CHKA: variants seen among roughly 807,000 people sequenced by gnomAD.
CHKA encodes the protein CHETK-alpha.
Under a neutral mutation model 60.1 loss-of-function variants are expected in CHKA, and 34 were observed. The ratio of observed to expected loss-of-function variants is 0.57; its 90% CI spans 0.43 to 0.75. The LOEUF (loss-of-function observed/expected upper bound fraction) is 0.75, where lower values mean the gene tolerates loss of function less well. Among genes scored for constraint, CHKA ranks in the 30% least tolerant of loss-of-function variants. The pLI is 0.00. For synonymous variants in CHKA, 217 were observed against 223.1 expected, an observed-to-expected ratio of 0.97 and a Z score of 0.24; for missense variants, 563 against 561.3, an observed-to-expected ratio of 1.00 and a Z score of -0.03.
At chr11:68,093,914 G>A (rs1328717679) in intron 2 of CHKA, among the ~76,000 whole-genome samples, 3 of 152,142 alleles carry the variant, frequency 2.0e-5, no homozygotes, top group Non-Finnish European at 2.9e-5. Context: ...CCACATATTC[G>A]TTAGTGACAT....
chr11:68,064,064 T>C (rs778286102), intron 10 of CHKA, among the ~76,000 whole-genome samples: 5 of 152,168 alleles, frequency 3.3e-5, no homozygotes, highest in African/African-American at 9.7e-5. Context: ...AATGGAGAAG[T>C]AGCAGATTCT....
chr11:68,098,574 G>T (rs1353091020), intron 1 of CHKA, among the ~76,000 whole-genome samples: 1 of 152,198 alleles, frequency 6.6e-6, no homozygotes, highest in Non-Finnish European at 1.5e-5. Flanking sequence ...TCTGGAGACG[G>T]ATGGTGGTGA....
chr11:68,093,007 GTTT>G (rs34534250), intron 2 of CHKA, among the ~76,000 whole-genome samples: 26 of 139,758 alleles, frequency 1.9e-4, no homozygotes, highest in Non-Finnish European at 2.8e-4. Context: ...TTTTTTTTGG[GTTT>G]TTTTTTTTTT....
chr11:68,115,271 C>A (rs1858338994), intron 1 of CHKA, among the ~76,000 whole-genome samples: 1 of 152,134 alleles, frequency 6.6e-6, no homozygotes, highest in Non-Finnish European at 1.5e-5. Flanking sequence ...GGGCATAACC[C>A]TGTTGAAGTA....
At position 68,121,284 on chromosome 11, in the gene CHKA, G is replaced by T; in HGVS notation, c.-107C>A. 2.1e-6 allele frequency: 2 copies of T among 942,350 alleles called. No homozygotes were observed. Among genetic ancestry groups the T allele is most frequent in the Non-Finnish European group, 2.6e-6 (2 of 777,144 alleles). The allele number at this position is 942,350 out of a possible 1,614,324, so 58.4% of individuals were successfully genotyped here. A position where few individuals can be genotyped will look rare whatever the true frequency, so the allele number is the denominator to read the frequency against. On this transcript the variant is annotated 5_prime_UTR_variant, in exon 1 of 12. Coordinates refer to ENST00000265689, the MANE Select transcript of CHKA (RefSeq NM_001277.3). ...GCTCTCTCACTGGCAGGCCGGCGGG[G>T]CAGGGGGCCGCGGCGGTTGGGCGCG...
intron 2 of CHKA, chr11:68,089,999 G>A (rs761454765): frequency 1.3e-5 from 2 of 152,156 alleles, no homozygotes; most frequent in Admixed American, 6.5e-5. Flanking sequence ...TCAAACCATC[G>A]TTCCATGGAC....
At position 68,070,708 on chromosome 11, in the gene CHKA, T is replaced by C; in HGVS notation, c.764+16A>G. ...ACTGTAAAACTATGTTAGGACCAAGTGATTTGACCACTTACTTTTCCATTG... is the reference window on the plus strand; with the variant it reads ...ACTGTAAAACTATGTTAGGACCAAGCGATTTGACCACTTACTTTTCCATTG... On this transcript the variant is annotated intron_variant, in intron 5 of 11. Coordinates refer to ENST00000265689, the MANE Select transcript of CHKA (RefSeq NM_001277.3). 1.2e-6 allele frequency: 2 copies of C among 1,606,144 alleles called. No homozygotes were observed. The highest frequency in any genetic ancestry group is 4.5e-5 in the East Asian group (2 of 44,602).
In CHKA at chr11:68,086,964, C is replaced by T. The variant is rs1590860580; in HGVS notation, c.463-5507G>A. Among the ~76,000 whole-genome samples the T allele has an allele frequency of 3.3e-5, 5 of 149,392 alleles. No individual in the cohort carries two copies. In the South Asian group the frequency reaches 8.6e-4, roughly 26 times the overall value. ...TCGTGCCACTTCACTCCAGCCTGGG[C>T]GACAGAGCGAGACTCCGTCTCAAAA... is the stretch of plus-strand genomic sequence containing the variant. On this transcript the variant is annotated intron_variant, in intron 2 of 11. Transcript: ENST00000265689.
At chr11:68,112,788 A>G (rs549896094) in intron 1 of CHKA, among the ~76,000 whole-genome samples, 11 of 152,298 alleles carry the variant, frequency 7.2e-5, no homozygotes, top group African/African-American at 2.6e-4. Context: ...CCCACTCAAG[A>G]AGGTGTGGCA....
At chr11:68,090,414 G>A (rs916393702) in intron 2 of CHKA, among the ~76,000 whole-genome samples, 3 of 152,134 alleles carry the variant, frequency 2.0e-5, no homozygotes, top group African/African-American at 7.2e-5. Flanking sequence ...TCAGTTACCA[G>A]GGACATGACT....
At chr11:68,083,299 G>C (rs1857045122) in intron 2 of CHKA, among the ~76,000 whole-genome samples, 1 of 152,174 alleles carries the variant, frequency 6.6e-6, no homozygotes, top group African/African-American at 2.4e-5. Context: ...CAAGGAAGCT[G>C]GCTGTGGGGT....
In CHKA at chr11:68,064,547, C is replaced by A; in HGVS notation, c.1210G>T (p.Glu404Ter). Reference sequence around the variant, plus strand: ...TACCTATTAACTTCAAGCAACATTTCTTCTTTTATAATGGATTTTTCTTCA... The same window carrying A: ...TACCTATTAACTTCAAGCAACATTTATTCTTTTATAATGGATTTTTCTTCA... Reference protein sequence around the residue: ...STEEKSIIKEEMLLEVNRFAL... With the variant: ...STEEKSIIKE The change falls in exon 10 of 12, where the codon GAA becomes TAA. Residue 404 changes from glutamate to a stop codon, truncating the protein, a stop_gained. Coordinates refer to ENST00000265689, the MANE Select transcript of CHKA (RefSeq NM_001277.3). LOFTEE classifies it high-confidence loss of function. The A allele has an allele frequency of 6.4e-7, 1 of 1,567,418 alleles. No homozygotes were observed. The highest frequency in any genetic ancestry group is 8.6e-7 in the Non-Finnish European group (1 of 1,156,312).
intron 1 of CHKA, among the ~76,000 whole-genome samples, chr11:68,116,540 G>T (rs952745947): frequency 6.6e-6 from 1 of 151,444 alleles, no homozygotes; most frequent in African/African-American, 2.4e-5. Flanking sequence ...GTGAAACCTT[G>T]TATCTACTAA....
At chr11:68,109,942 ACT>A (rs1565194569) in intron 1 of CHKA, among the ~76,000 whole-genome samples, 1 of 152,134 alleles carries the variant, frequency 6.6e-6, no homozygotes, top group Non-Finnish European at 1.5e-5. Flanking sequence ...ACAGAGCGAG[ACT>A]CTGTCTCAAA....
chr11:68,063,126 A>C (rs745921590), intron 10 of CHKA, among the ~76,000 whole-genome samples: 4 of 152,234 alleles, frequency 2.6e-5, no homozygotes, highest in Non-Finnish European at 2.9e-5. Context: ...ACCGATAAAC[A>C]TAAGTTTAAT....
At position 68,113,990 on chromosome 11, in the gene CHKA, T is replaced by TC. The variant is rs557964049; in HGVS notation, c.350+6837dup. On this transcript the variant is annotated intron_variant, in intron 1 of 11. Transcript: ENST00000265689. ...TGGGCAACAAGAGTGAAACTCTGTC[T>TC]CAAAAAAAAAAGGAAAGAAAAAGAA... Among the ~76,000 whole-genome samples the TC allele has an allele frequency of 1.5e-4, 23 of 150,684 alleles. No individual in the cohort carries two copies. The East Asian group carries it at 4.3e-3, about 28-fold the overall frequency.
At chr11:68,118,355 C>G (rs574679125) in intron 1 of CHKA, among the ~76,000 whole-genome samples, 16 of 152,218 alleles carry the variant, frequency 1.1e-4, no homozygotes, top group African/African-American at 2.6e-4. Context: ...GTGGGAGGAT[C>G]ACCAGAGCCT....
In CHKA at chr11:68,053,667, G is replaced by A; in HGVS notation, c.*321C>T. The A allele has an allele frequency of 3.3e-6, 1 of 305,360 alleles. No individual in the cohort carries two copies. Among genetic ancestry groups the A allele is most frequent in the Non-Finnish European group, 6.2e-6 (1 of 161,766 alleles). The allele number at this position is 305,360 out of a possible 1,614,324, so 18.9% of individuals were successfully genotyped here. Reference sequence around the variant, plus strand: ...CCTGCAAGTAACACTGCTTACTCTTGCTGTTTGCCTCATCTGACTGGAAAC... The same window carrying A: ...CCTGCAAGTAACACTGCTTACTCTTACTGTTTGCCTCATCTGACTGGAAAC... On this transcript the variant is annotated 3_prime_UTR_variant, in exon 12 of 12. Transcript: ENST00000265689.
At chr11:68,109,165 C>T (rs1485308946) in intron 1 of CHKA, among the ~76,000 whole-genome samples, 1 of 148,848 alleles carries the variant, frequency 6.7e-6, no homozygotes, top group Non-Finnish European at 1.5e-5. Flanking sequence ...TCTCGGCTCA[C>T]AGCAAGCTCC....
Sources: allele counts gnomAD v4.1 joint callset (sites outside exome capture counted in the v4.1 genomes callset), GRCh38; gene constraint gnomAD v4.1.1; transcripts MANE v1.5; gene names NCBI Gene and HGNC (gene_info 2026-07-23, HGNC 2026-07-21).